BANK1: variants seen among roughly 807,000 people sequenced by gnomAD.
The protein encoded by BANK1 is B-cell scaffold protein with ankyrin repeats.
BANK1 carries 95 observed loss-of-function variants against 94.5 expected under a neutral mutation model. That is an observed-to-expected ratio of 1.00 (90% confidence interval 0.85 to 1.19). The LOEUF (loss-of-function observed/expected upper bound fraction) is 1.19, where lower values mean the gene tolerates loss of function less well. BANK1 is among the 50% of genes most tolerant of loss of function. The pLI, the probability that BANK1 is intolerant of heterozygous loss-of-function variation, is 0.00. For missense variants in BANK1, 987 were observed against 932.2 expected (o/e 1.06, Z -0.77); for synonymous variants, 334 against 308.4 (o/e 1.08, Z -0.87).
intron 6 of BANK1, among the ~76,000 whole-genome samples, chr4:101,910,604 G>A (rs1722631151): frequency 6.8e-6 from 1 of 147,802 alleles, no homozygotes; most frequent in African/African-American, 2.5e-5. Flanking sequence ...TGAGGCAGGA[G>A]AATCACTTGA....
At chr4:101,875,417 C>T (rs563588993) in intron 5 of BANK1, among the ~76,000 whole-genome samples, 5 of 152,176 alleles carry the variant, frequency 3.3e-5, no homozygotes, top group African/African-American at 7.2e-5. Flanking sequence ...GTTCTTGTGG[C>T]GGGAGAGGCC....
chr4:101,856,513 C>T (rs144228171), intron 3 of BANK1, among the ~76,000 whole-genome samples: 5 of 152,150 alleles, frequency 3.3e-5, no homozygotes, highest in African/African-American at 1.2e-4. Flanking sequence ...GAAATCAAAG[C>T]AGAAAAAAGA....
chr4:102,000,142 G>A (rs146966524), intron 7 of BANK1, among the ~76,000 whole-genome samples: 10 of 152,006 alleles, frequency 6.6e-5, no homozygotes, highest in Non-Finnish European at 1.0e-4. Flanking sequence ...TGACCAACAT[G>A]GTGAAACCCC....
intron 7 of BANK1, among the ~76,000 whole-genome samples, chr4:102,009,554 G>A (rs1050095477): frequency 6.6e-6 from 1 of 152,080 alleles, no homozygotes; most frequent in Non-Finnish European, 1.5e-5. Flanking sequence ...GTAATTGTTA[G>A]GTGACTTGCC....
chr4:101,925,515 T>C (rs1197992832), intron 7 of BANK1, among the ~76,000 whole-genome samples: 6 of 151,794 alleles, frequency 4.0e-5, no homozygotes, highest in African/African-American at 1.4e-4. Context: ...GGAAATAATA[T>C]ACATGTGCTT....
intron 7 of BANK1, among the ~76,000 whole-genome samples, chr4:102,002,085 A>C (rs924183530): frequency 6.6e-6 from 1 of 152,206 alleles, no homozygotes; most frequent in African/African-American, 2.4e-5. Flanking sequence ...TAGAACTGGC[A>C]GTGCCTGCAG....
chr4:101,894,491 T>G (rs1458404202), intron 5 of BANK1, among the ~76,000 whole-genome samples: 1 of 152,196 alleles, frequency 6.6e-6, no homozygotes, highest in East Asian at 1.9e-4. Flanking sequence ...GTTATTTAAT[T>G]TGTGACTATG....
chr4:102,063,197 G>A, intron 13 of BANK1, 59 bp downstream of exon 13: 1 of 1,466,334 alleles, frequency 6.8e-7, no homozygotes, highest in East Asian at 2.3e-5. Context: ...AAAATTCAAG[G>A]ACTGTGGAGA....
At position 102,025,297 on chromosome 4, in the gene BANK1, A is replaced by G; in HGVS notation, c.1382A>G (p.Gln461Arg). ...EANEMEGEGKQNGSGMETKHS... is the reference protein window; with the variant it reads ...EANEMEGEGKRNGSGMETKHS... Reference sequence around the variant, plus strand: ...AATGAAATGGAAGGGGAAGGAAAACAGAATGGATCAGGCATGGAGACCAAA... The same window carrying G: ...AATGAAATGGAAGGGGAAGGAAAACGGAATGGATCAGGCATGGAGACCAAA... Residue 461 changes from glutamine to arginine, a missense_variant, in exon 9 of 17, where the codon CAG (glutamine) becomes CGG (arginine). Coordinates refer to ENST00000322953, the MANE Select transcript of BANK1 (RefSeq NM_017935.5). The G allele has an allele frequency of 6.2e-7, 1 of 1,614,150 alleles. No homozygotes were observed. Among genetic ancestry groups the G allele is most frequent in the Non-Finnish European group, 8.5e-7 (1 of 1,179,986 alleles).
intron 1 of BANK1, among the ~76,000 whole-genome samples, chr4:101,812,152 A>AC (rs1725750808): frequency 6.6e-6 from 1 of 151,960 alleles, no homozygotes; most frequent in Non-Finnish European, 1.5e-5. Flanking sequence ...GAACTAAAAA[A>AC]TGTTAAGGTA....
At chr4:101,951,545 A>C (rs1482251307) in intron 7 of BANK1, among the ~76,000 whole-genome samples, 1 of 152,118 alleles carries the variant, frequency 6.6e-6, no homozygotes, top group Non-Finnish European at 1.5e-5. Context: ...ACAAAATCTC[A>C]AACATTTTTG....
At chr4:101,910,168 C>G (rs1356371458) in intron 6 of BANK1, among the ~76,000 whole-genome samples, 1 of 152,018 alleles carries the variant, frequency 6.6e-6, no homozygotes, top group Non-Finnish European at 1.5e-5. Context: ...TGCCATCTCT[C>G]TTCACATTTC....
intron 2 of BANK1, among the ~76,000 whole-genome samples, chr4:101,851,412 T>C (rs115137372): frequency 5.9e-5 from 9 of 152,210 alleles, no homozygotes; most frequent in Non-Finnish European, 1.3e-4. Flanking sequence ...CAAGTATTTA[T>C]TAAGCCTCTA....
chr4:101,801,510 A>C (rs1350499285), intron 1 of BANK1, among the ~76,000 whole-genome samples: 1 of 152,228 alleles, frequency 6.6e-6, no homozygotes, highest in Non-Finnish European at 1.5e-5. Flanking sequence ...ATGTATTATG[A>C]GATTACTCTC....
intron 4 of BANK1, among the ~76,000 whole-genome samples, chr4:101,866,640 T>TA (rs1371370852): frequency 1.7e-5 from 2 of 118,528 alleles, no homozygotes; most frequent in Admixed American, 7.4e-5. Flanking sequence ...AGGAATACCA[T>TA]TTGACCCAGC....
intron 6 of BANK1, among the ~76,000 whole-genome samples, chr4:101,911,556 A>G (rs942114650): frequency 6.6e-6 from 1 of 152,180 alleles, no homozygotes; most frequent in Non-Finnish European, 1.5e-5. Context: ...AAGAATATCT[A>G]GTGCTCAGTA....
At chr4:101,827,189 A>G (rs1726399492) in intron 1 of BANK1, among the ~76,000 whole-genome samples, 2 of 151,906 alleles carry the variant, frequency 1.3e-5, no homozygotes, top group East Asian at 1.9e-4. Context: ...TCTCACATAA[A>G]CAATTGTTGC....
chr4:102,057,384 C>G (rs762145478), intron 11 of BANK1, among the ~76,000 whole-genome samples: 1 of 80,102 alleles, frequency 1.2e-5, no homozygotes, highest in Non-Finnish European at 2.4e-5. Context: ...TTTTCTTAAG[C>G]AAGGTCTGCT....
At chr4:101,950,018 GGTGTGT>G (rs6148602) in intron 7 of BANK1, among the ~76,000 whole-genome samples, 7,463 of 149,296 alleles carry the variant, frequency 0.05, 241 homozygotes, top group Non-Finnish European at 0.075. Flanking sequence ...GGAAGTAAGG[GGTGTGT>G]GTGTGTGTGT....
Sources: allele counts gnomAD v4.1 joint callset (sites outside exome capture counted in the v4.1 genomes callset), GRCh38; gene constraint gnomAD v4.1.1; transcripts MANE v1.5; gene names NCBI Gene and HGNC (gene_info 2026-07-23, HGNC 2026-07-21).